The following PLCXD3 variants were observed in gnomAD, a reference collection of about 807,000 sequenced individuals.
PLCXD3 encodes phosphatidylinositol specific phospholipase C X domain containing 3, also known as PI-PLC X domain-containing protein 3.
In PLCXD3, 19 loss-of-function variants were observed where a neutral mutation model predicts 25.5. The observed-to-expected ratio is 0.75, with a 90% CI of 0.52 to 1.09. The LOEUF (loss-of-function observed/expected upper bound fraction) is 1.09, where lower values mean the gene tolerates loss of function less well. Among genes scored for constraint, PLCXD3 ranks in the 50% least tolerant of loss-of-function variants. The probability of loss-of-function intolerance (pLI) is 0.00; values close to 1 mark genes in which losing one functional copy is unlikely to be tolerated. For missense variants in PLCXD3, 411 were observed against 388.1 expected, an observed-to-expected ratio of 1.06 and a Z score of -0.50; for synonymous variants, 174 against 137.6, an observed-to-expected ratio of 1.26 and a Z score of -1.85.
Position 41,446,176 on chromosome 5 carries a change from C to CAAAAA in PLCXD3, c.104-63647_104-63643dup, listed in dbSNP as rs70988847. Among the ~76,000 whole-genome samples, 29 of 38,120 alleles carry CAAAAA rather than the reference C, an allele frequency of 7.6e-4. 1 individual carries two copies. The highest frequency in any genetic ancestry group is 2.0e-3 in the Admixed American group (4 of 1,964). 25.0% of individuals were successfully genotyped at this position (38,120 alleles called of 152,430 possible). ...TGGGCGACGGAGCCAGACTCCTTCT[C>CAAAAA]AAAAAAAAAAAAAAAAAAAAAAAAA... On this transcript the variant is annotated intron_variant, in intron 1 of 2. Coordinates refer to ENST00000377801, the MANE Select transcript of PLCXD3 (RefSeq NM_001005473.3).
intron 2 of PLCXD3, among the ~76,000 whole-genome samples, chr5:41,364,992 T>C (rs964170456): frequency 6.6e-6 from 1 of 152,226 alleles, no homozygotes; most frequent in African/African-American, 2.4e-5. Flanking sequence ...TAAATTTTAT[T>C]GTCAAAATAC....
At chr5:41,495,413 C>A (rs553986712) in intron 1 of PLCXD3, among the ~76,000 whole-genome samples, 1 of 152,338 alleles carries the variant, frequency 6.6e-6, no homozygotes, top group South Asian at 2.1e-4. Context: ...CAGCCTCTCC[C>A]TCAGGAAGGA....
rs763204537 is a variant in PLCXD3 at position 41,382,281 on chromosome 5, G to A, written c.357C>T (p.Ala119=). 1 of 1,613,602 alleles carries A rather than the reference G, an allele frequency of 6.2e-7. No homozygotes were observed. Among genetic ancestry groups the A allele is most frequent in the South Asian group, 1.1e-5 (1 of 91,064 alleles). ...TCTCCTCAAGGCCTTCATTGACTTT[G>A]GCACTGAACAAACCATGAGCAAAAT... is the stretch of plus-strand genomic sequence containing the variant. The part of the protein sequence containing the change: ...ELYFAHGLFS[A]KVNEGLEEIN... The change falls in exon 2 of 3, where the codon GCC becomes GCT. Residue 119 remains alanine, a synonymous_variant. Transcript: ENST00000377801.
intron 2 of PLCXD3, among the ~76,000 whole-genome samples, chr5:41,328,582 A>G (rs1743699869): frequency 6.6e-6 from 1 of 152,102 alleles, no homozygotes; most frequent in Admixed American, 6.6e-5. Flanking sequence ...GCAGGTCCCA[A>G]ATTTGGCATG....
intron 1 of PLCXD3, among the ~76,000 whole-genome samples, chr5:41,426,276 G>A (rs1746954152): frequency 6.6e-6 from 1 of 151,880 alleles, no homozygotes; most frequent in South Asian, 2.1e-4. Context: ...TAAGGCCTTT[G>A]GCTCATTTAT....
At chr5:41,404,386 A>C (rs1746291082) in intron 1 of PLCXD3, among the ~76,000 whole-genome samples, 1 of 152,102 alleles carries the variant, frequency 6.6e-6, no homozygotes, top group Non-Finnish European at 1.5e-5. Context: ...ACTCGGCACA[A>C]ACATCTATTC....
chr5:41,323,194 GAGA>G (rs1350612563), intron 2 of PLCXD3, among the ~76,000 whole-genome samples: 2 of 151,956 alleles, frequency 1.3e-5, no homozygotes, highest in Non-Finnish European at 2.9e-5. Context: ...TGGACACAGA[GAGA>G]AGGATGGTTA....
chr5:41,414,107 AC>A (rs1411952228), intron 1 of PLCXD3, among the ~76,000 whole-genome samples: 2 of 152,216 alleles, frequency 1.3e-5, no homozygotes, highest in African/African-American at 4.8e-5. Flanking sequence ...GCTGTACTAT[AC>A]TATAGCCCAG....
At chr5:41,426,931 GTATTTCACAGGTA>G (rs1746968386) in intron 1 of PLCXD3, among the ~76,000 whole-genome samples, 1 of 152,008 alleles carries the variant, frequency 6.6e-6, no homozygotes, top group Non-Finnish European at 1.5e-5. Context: ...ATTGGTATCA[GTATTTCACAGGTA>G]TATTTTACTC....
intron 2 of PLCXD3, among the ~76,000 whole-genome samples, chr5:41,327,842 A>G (rs752715271): frequency 6.6e-6 from 1 of 152,116 alleles, no homozygotes; most frequent in African/African-American, 2.4e-5. Context: ...GTCTCACTCT[A>G]TCACCCATGC....
At chr5:41,377,651 C>T (rs1015224963) in intron 2 of PLCXD3, among the ~76,000 whole-genome samples, 3 of 151,952 alleles carry the variant, frequency 2.0e-5, no homozygotes, top group African/African-American at 4.8e-5. Flanking sequence ...ATGTAGAAAA[C>T]GAATCTGCAG....
chr5:41,461,203 A>G (rs1747865629), intron 1 of PLCXD3, among the ~76,000 whole-genome samples: 1 of 152,032 alleles, frequency 6.6e-6, no homozygotes, highest in Non-Finnish European at 1.5e-5. Context: ...ACAGCAGAGA[A>G]AATCAACAGG....
At chr5:41,400,155 T>G (rs190211249) in intron 1 of PLCXD3, among the ~76,000 whole-genome samples, 1 of 152,200 alleles carries the variant, frequency 6.6e-6, no homozygotes, top group East Asian at 1.9e-4. Context: ...CTCACTCCAG[T>G]TAAAATGGCT....
At chr5:41,330,630 G>A (rs1017378267) in intron 2 of PLCXD3, among the ~76,000 whole-genome samples, 9 of 152,212 alleles carry the variant, frequency 5.9e-5, no homozygotes, top group Admixed American at 1.3e-4. Context: ...AAGCTGGGCC[G>A]AAACACAACC....
chr5:41,311,442 C>A lies in PLCXD3; in HGVS notation c.*2175G>T, dbSNP rs1163555356. 1 of 151,966 alleles carries A rather than the reference C, an allele frequency of 6.6e-6. No individual in the cohort carries two copies. The highest frequency in any genetic ancestry group is 1.5e-5 in the Non-Finnish European group (1 of 67,948). 9.4% of individuals were successfully genotyped at this position (151,966 alleles called of 1,614,324 possible). A position where few individuals can be genotyped will look rare whatever the true frequency, so the allele number is the denominator to read the frequency against. ...TCAAAGGTTTTATTACTCTTTTTCA[C>A]ACAATATTAAGGGTTTCAGTCTTAA... On this transcript the variant is annotated 3_prime_UTR_variant, in exon 3 of 3. Transcript: ENST00000377801.
intron 1 of PLCXD3, among the ~76,000 whole-genome samples, chr5:41,425,441 G>A (rs1746932961): frequency 6.6e-6 from 1 of 152,074 alleles, no homozygotes; most frequent in Admixed American, 6.6e-5. Context: ...CACCAGAGTG[G>A]CACATTTGTT....
At chr5:41,344,287 A>G (rs1280367868) in intron 2 of PLCXD3, among the ~76,000 whole-genome samples, 3 of 152,158 alleles carry the variant, frequency 2.0e-5, no homozygotes, top group East Asian at 3.8e-4. Context: ...CCATCCAGAA[A>G]TGCGACTTAT....
In PLCXD3 at chr5:41,381,917, A is replaced by G. The variant is rs756117151; in HGVS notation, c.721T>C (p.Ser241Pro). ...ASITERRKKG[S>P]FFISQVVLTP... Reference sequence around the variant, plus strand: ...AGCACCACCTGAGATATAAAAAACGATCCCTTCTTTCTTCTCTCAGTGATG... The same window carrying G: ...AGCACCACCTGAGATATAAAAAACGGTCCCTTCTTTCTTCTCTCAGTGATG... The change falls in exon 2 of 3, where the codon TCG (serine) becomes CCG (proline). Residue 241 changes from serine to proline, a missense_variant. By Grantham distance (74) the Ser-to-Pro change is moderately conservative. Coordinates refer to ENST00000377801, the MANE Select transcript of PLCXD3 (RefSeq NM_001005473.3). 1 of 1,613,196 alleles carries G rather than the reference A, an allele frequency of 6.2e-7. No individual in the cohort carries two copies. The highest frequency in any genetic ancestry group is 1.1e-5 in the South Asian group (1 of 91,054).
At chr5:41,403,416 T>TTGTTTTTG (rs59150091) in intron 1 of PLCXD3, among the ~76,000 whole-genome samples, 1 of 47,536 alleles carries the variant, frequency 2.1e-5, no homozygotes, top group African/African-American at 7.6e-5. Flanking sequence ...TTTTTTTTTT[T>TTGTTTTTG]ATTATACTCT....
Sources: gnomAD v4.1 joint callset for allele counts (sites outside exome capture counted in the v4.1 genomes callset) on GRCh38, gnomAD v4.1.1 for gene constraint, MANE v1.5 for transcripts, NCBI Gene and HGNC (gene_info 2026-07-23, HGNC 2026-07-21) for gene names.